Variants in ATP6V1C2 observed in about 807,000 individuals in gnomAD.
ATP6V1C2 encodes the protein ATPase H+ transporting V1 subunit C2, also known as V-type proton ATPase subunit C 2.
Under a neutral mutation model 56.8 loss-of-function variants are expected in ATP6V1C2, and 45 were observed. The observed-to-expected ratio is 0.79, with a 90% CI of 0.62 to 1.02. ATP6V1C2 has a LOEUF of 1.02. Among genes scored for constraint, ATP6V1C2 ranks in the 50% least tolerant of loss-of-function variants. The pLI is 0.00. For missense variants in ATP6V1C2, 463 were observed against 519.7 expected (o/e 0.89, Z 1.06); for synonymous variants, 220 against 201.3 (o/e 1.09, Z -0.79).
At position 10,784,326 on chromosome 2, in the gene ATP6V1C2, G is replaced by C. The variant is rs532264685; in HGVS notation, c.*1063G>C. 1 of 1,612,160 alleles carries C rather than the reference G, an allele frequency of 6.2e-7. No individual in the cohort carries two copies. Among genetic ancestry groups the C allele is most frequent in the Non-Finnish European group, 8.5e-7 (1 of 1,179,344 alleles). ...AGGTCAATGTCATCCTCCACGGGAAGCTGGGAGACGACAGAAAGCCACTGT... is the reference window on the plus strand; with the variant it reads ...AGGTCAATGTCATCCTCCACGGGAACCTGGGAGACGACAGAAAGCCACTGT... On this transcript the variant is annotated 3_prime_UTR_variant, in exon 14 of 14. Transcript: ENST00000272238.
At chr2:10,722,212 G>A (rs768250659) in intron 1 of ATP6V1C2, among the ~76,000 whole-genome samples, 5 of 152,090 alleles carry the variant, frequency 3.3e-5, no homozygotes, top group Non-Finnish European at 7.4e-5. Context: ...CGAAACCACC[G>A]GCCACGCCGG....
At chr2:10,769,197 G>GGT (rs1672129467) in intron 6 of ATP6V1C2, among the ~76,000 whole-genome samples, 1 of 152,362 alleles carries the variant, frequency 6.6e-6, no homozygotes, top group Middle Eastern at 3.4e-3. Flanking sequence ...GCAGCAGGGT[G>GGT]GTGGGCTCTG....
intron 4 of ATP6V1C2, 120 bp from the exon 5 acceptor site, chr2:10,764,211 C>T (rs1345628065): frequency 1.2e-5 from 10 of 827,590 alleles, no homozygotes; most frequent in Middle Eastern, 2.5e-4. Flanking sequence ...GCCTGCCCGC[C>T]GGCGTTGCCC....
intron 3 of ATP6V1C2, among the ~76,000 whole-genome samples, chr2:10,743,587 G>A (rs1243947947): frequency 2.0e-5 from 3 of 151,124 alleles, no homozygotes; most frequent in Non-Finnish European, 2.9e-5. Context: ...GCTCACACCT[G>A]TAATCCCAGC....
chr2:10,752,652 A>G (rs1044246703), intron 3 of ATP6V1C2, among the ~76,000 whole-genome samples: 1 of 152,180 alleles, frequency 6.6e-6, no homozygotes, highest in African/African-American at 2.4e-5. Context: ...AATGAGTATC[A>G]TCCACATTTT....
chr2:10,745,251 T>A (rs573732360), intron 3 of ATP6V1C2, among the ~76,000 whole-genome samples: 1 of 151,882 alleles, frequency 6.6e-6, no homozygotes, highest in South Asian at 2.1e-4. Flanking sequence ...TTGGCCAGGC[T>A]CGTCTCAAAC....
At chr2:10,734,747 C>T (rs1662162905) in intron 3 of ATP6V1C2, among the ~76,000 whole-genome samples, 2 of 152,134 alleles carry the variant, frequency 1.3e-5, no homozygotes, top group South Asian at 4.2e-4. Flanking sequence ...GCTTCCAGCT[C>T]GGAGTCATCG....
At chr2:10,760,052 GA>G (rs1262859191) in intron 4 of ATP6V1C2, among the ~76,000 whole-genome samples, 2 of 97,180 alleles carry the variant, frequency 2.1e-5, no homozygotes, top group East Asian at 3.3e-4. Context: ...TTTGCTTTTT[GA>G]AAAAAAATAT....
chr2:10,775,823 T>G (rs1664928035), intron 10 of ATP6V1C2, among the ~76,000 whole-genome samples: 1 of 152,120 alleles, frequency 6.6e-6, no homozygotes, highest in Non-Finnish European at 1.5e-5. Flanking sequence ...TTTGGGACCC[T>G]TCTTCCTCAT....
intron 2 of ATP6V1C2, among the ~76,000 whole-genome samples, chr2:10,723,565 G>A (rs1403455791): frequency 6.6e-6 from 1 of 152,050 alleles, no homozygotes. Context: ...GAGGCCAGGC[G>A]CGGTGGCTCA....
chr2:10,778,777 CCTTT>C, intron 12 of ATP6V1C2, 108 bp downstream of exon 12: 1 of 1,050,254 alleles, frequency 9.5e-7, no homozygotes, highest in Non-Finnish European at 1.5e-6. Flanking sequence ...CCACCCGTCT[CCTTT>C]CTGAGACTGT....
chr2:10,748,044 T>C (rs1045478726), intron 3 of ATP6V1C2, among the ~76,000 whole-genome samples: 3 of 152,056 alleles, frequency 2.0e-5, no homozygotes, highest in African/African-American at 7.2e-5. Context: ...ATTACAGGCA[T>C]GCACCACTAC....
intron 3 of ATP6V1C2, among the ~76,000 whole-genome samples, chr2:10,749,186 T>C (rs1663080867): frequency 6.8e-6 from 1 of 146,112 alleles, no homozygotes; most frequent in African/African-American, 2.5e-5. Flanking sequence ...AAATTATATA[T>C]ATCAACAAAT....
chr2:10,778,263 G>A (rs536648199), intron 11 of ATP6V1C2, among the ~76,000 whole-genome samples: 1 of 152,228 alleles, frequency 6.6e-6, no homozygotes, highest in African/African-American at 2.4e-5. Context: ...GCTGCACAGT[G>A]TCAGGCAGAA....
intron 3 of ATP6V1C2, among the ~76,000 whole-genome samples, chr2:10,743,770 A>T (rs1221851044): frequency 6.6e-6 from 1 of 151,940 alleles, no homozygotes; most frequent in Non-Finnish European, 1.5e-5. Flanking sequence ...GGATCACTTG[A>T]GGTCAGGAGC....
At chr2:10,727,071 C>G (rs1307879547) in intron 3 of ATP6V1C2, among the ~76,000 whole-genome samples, 2 of 109,116 alleles carry the variant, frequency 1.8e-5, no homozygotes, top group African/African-American at 3.7e-5. Context: ...CTCCCTCCCT[C>G]CCTTCCTCCC....
At chr2:10,744,457 A>G (rs907991584) in intron 3 of ATP6V1C2, among the ~76,000 whole-genome samples, 1 of 152,096 alleles carries the variant, frequency 6.6e-6, no homozygotes, top group African/African-American at 2.4e-5. Flanking sequence ...CTTATGAGCT[A>G]TTTGTTGATG....
intron 9 of ATP6V1C2, 32 bp downstream of exon 9, chr2:10,774,912 G>A (rs746672150): frequency 8.1e-6 from 13 of 1,611,660 alleles, no homozygotes; most frequent in African/African-American, 1.3e-5. Flanking sequence ...TTCATCTCCC[G>A]CTGCGGGGGG....
intron 3 of ATP6V1C2, among the ~76,000 whole-genome samples, chr2:10,747,980 C>A (rs1314212482): frequency 6.6e-6 from 1 of 152,132 alleles, no homozygotes; most frequent in Non-Finnish European, 1.5e-5. Flanking sequence ...CCTGCCTCAG[C>A]CTCAAAGCTT....
Sources: allele counts gnomAD v4.1 joint callset (sites outside exome capture counted in the v4.1 genomes callset), GRCh38; gene constraint gnomAD v4.1.1; transcripts MANE v1.5; gene names NCBI Gene and HGNC (gene_info 2026-07-23, HGNC 2026-07-21).